TTC3: variants seen among roughly 807,000 people sequenced by gnomAD.
The protein encoded by TTC3 is E3 ubiquitin-protein ligase TTC3.
A neutral mutation model predicts 249.6 loss-of-function variants in TTC3; 180 were observed. The observed-to-expected ratio is 0.72, with a 90% CI of 0.64 to 0.82. The LOEUF (loss-of-function observed/expected upper bound fraction) is 0.82. TTC3 is among the 40% of genes least tolerant of loss of function. The probability of loss-of-function intolerance (pLI) is 0.00; values close to 1 mark genes in which losing one functional copy is unlikely to be tolerated. For synonymous variants in TTC3, 717 were observed against 805.0 expected (o/e 0.89, Z 1.85); for missense variants, 2,061 against 2,398.4 (o/e 0.86, Z 2.94).
intron 16 of TTC3, among the ~76,000 whole-genome samples, chr21:37,129,440 A>G (rs2077295024): frequency 1.3e-5 from 2 of 152,212 alleles, no homozygotes; most frequent in Non-Finnish European, 2.9e-5. Context: ...TCCTCCAGGA[A>G]TACACTGTTA....
intron 31 of TTC3, among the ~76,000 whole-genome samples, chr21:37,163,437 AC>A (rs1336517218): frequency 6.6e-6 from 1 of 152,092 alleles, no homozygotes; most frequent in Non-Finnish European, 1.5e-5. Context: ...TGCAACCTCC[AC>A]TTCTTGGGTT....
chr21:37,090,146 T>C (rs2073058922), intron 5 of TTC3, 87 bp from the exon 6 acceptor site: 1 of 928,298 alleles, frequency 1.1e-6, no homozygotes, highest in Admixed American at 2.0e-5. Flanking sequence ...ATAGTAGTGT[T>C]CCTAAAATGT....
Position 37,152,938 on chromosome 21 carries a change from T to C in TTC3, c.2414-13T>C. On this transcript the variant is annotated splice_polypyrimidine_tract_variant and intron_variant, in intron 26 of 45. Transcript: ENST00000355666. ...TCCTATTTATCACTTTAACCATTGT[T>C]ATTTATCCTTAGAAACTGTAGACAA... The C allele has an allele frequency of 6.4e-7, 1 of 1,558,876 alleles. No individual in the cohort carries two copies.
intron 11 of TTC3, among the ~76,000 whole-genome samples, chr21:37,118,576 C>A (rs555668249): frequency 6.6e-6 from 1 of 152,270 alleles, no homozygotes; most frequent in African/African-American, 2.4e-5. Context: ...TTGTGAATGA[C>A]AGAAACTGAA....
At position 37,158,291 on chromosome 21, in the gene TTC3, C is replaced by A. The variant is rs575778891; in HGVS notation, c.2992+1385C>A. ...AAGACAACTAAAAAGGACACAATTCCCTCTCAGCATACACTCGTCCTTTAA... is the reference window on the plus strand; with the variant it reads ...AAGACAACTAAAAAGGACACAATTCACTCTCAGCATACACTCGTCCTTTAA... On this transcript the variant is annotated intron_variant, in intron 28 of 45. Transcript: ENST00000355666. The A allele has an allele frequency of 9.2e-5, 74 of 803,450 alleles. 2 individuals carry two copies. The South Asian group carries it at 3.5e-3, about 38-fold the overall frequency. The allele number at this position is 803,450 out of a possible 1,614,324, so 49.8% of individuals were successfully genotyped here. A position where few individuals can be genotyped will look rare whatever the true frequency, so the allele number is the denominator to read the frequency against.
exon 33 of TTC3, chr21:37,165,561 A>T: frequency 6.3e-7 from 1 of 1,584,946 alleles, no homozygotes; most frequent in Non-Finnish European, 8.6e-7. Context: ...TACTTCTCTC[A>T]GTTTTTGGAG....
rs574137864 is a variant in TTC3 at position 37,166,589 on chromosome 21, C to A, written c.4375C>A (p.Pro1459Thr). The change falls in exon 33 of 46, where the codon CCA (proline) becomes ACA (threonine). Residue 1459 changes from proline (P) to threonine (T), a missense_variant. Around this residue, in one of 3 missense-constraint regions of TTC3, gnomAD observed 1,040 missense variants for 1,186.1 expected, o/e 0.88. Transcript: ENST00000355666. ...AAGCACCAGTGCAGTAACAAACATT[C>A]CACACGTGCAGATGGTTGCCATACA... 15 of 1,613,132 alleles carry A rather than the reference C, an allele frequency of 9.3e-6. No homozygotes were observed. The South Asian group carries it at 1.5e-4, about 17-fold the overall frequency.
chr21:37,201,911 C>T (rs1316797184), exon 46 of TTC3: 2 of 221,930 alleles, frequency 9.0e-6, no homozygotes, highest in Non-Finnish European at 1.8e-5. Context: ...CATAGCCAAG[C>T]GCCCCACGTT....
chr21:37,115,086 G>C (rs1040629255), intron 11 of TTC3, among the ~76,000 whole-genome samples: 1 of 151,772 alleles, frequency 6.6e-6, no homozygotes, highest in Non-Finnish European at 1.5e-5. Flanking sequence ...GCTAAATGAC[G>C]AGTTAATGGG....
At chr21:37,114,300 G>A (rs971888125) in intron 11 of TTC3, among the ~76,000 whole-genome samples, 1 of 151,938 alleles carries the variant, frequency 6.6e-6, no homozygotes, top group Non-Finnish European at 1.5e-5. Flanking sequence ...CTGACAAAGG[G>A]CTAATATCCA....
chr21:37,168,790 G>A (rs2081468309), intron 34 of TTC3, among the ~76,000 whole-genome samples: 1 of 152,072 alleles, frequency 6.6e-6, no homozygotes, highest in Non-Finnish European at 1.5e-5. Flanking sequence ...ATTTCGCTAA[G>A]TCAGGCATTC....
At position 37,108,351 on chromosome 21, in the gene TTC3, T is replaced by C. The variant is rs370904773; in HGVS notation, c.846-41T>C. Reference sequence around the variant, plus strand: ...TATGCAAGATATAATACTTTTACTATAAAAGAGTGAAAATTTTTAAATACT... The same window carrying C: ...TATGCAAGATATAATACTTTTACTACAAAAGAGTGAAAATTTTTAAATACT... On this transcript the variant is annotated intron_variant, in intron 10 of 45. Coordinates refer to ENST00000355666, the Ensembl canonical transcript of TTC3. 3.8e-6 allele frequency: 6 copies of C among 1,561,218 alleles called. No individual in the cohort carries two copies. In the African/African-American group the frequency reaches 4.1e-5, roughly 11 times the overall value.
At chr21:37,150,587 G>C (rs993853137) in intron 24 of TTC3, among the ~76,000 whole-genome samples, 2 of 152,088 alleles carry the variant, frequency 1.3e-5, no homozygotes, top group Non-Finnish European at 2.9e-5. Context: ...TAGATCGTCT[G>C]CTTACTCTTA....
intron 31 of TTC3, among the ~76,000 whole-genome samples, chr21:37,162,939 T>A (rs1160209764): frequency 1.3e-5 from 2 of 152,164 alleles, no homozygotes; most frequent in Non-Finnish European, 2.9e-5. Flanking sequence ...CTCTGGGGCC[T>A]CTTTTATAAG....
At chr21:37,188,441 T>A (rs1321111987) in intron 38 of TTC3, 54 bp from the exon 39 acceptor site, 2 of 1,396,104 alleles carry the variant, frequency 1.4e-6, no homozygotes, top group East Asian at 4.6e-5. Context: ...ACCTTTAAAA[T>A]AGTTTCAGGC....
intron 41 of TTC3, among the ~76,000 whole-genome samples, chr21:37,194,085 AG>A (rs1396395076): frequency 6.6e-6 from 1 of 152,220 alleles, no homozygotes; most frequent in Non-Finnish European, 1.5e-5. Context: ...GCAGGGGCAA[AG>A]CCAATGGAGC....
At chr21:37,090,425 T>C (rs1272628868) in intron 6 of TTC3, 139 bp downstream of exon 6, 2 of 991,204 alleles carry the variant, frequency 2.0e-6, no homozygotes, top group Non-Finnish European at 2.8e-6. Context: ...TATATTTTCC[T>C]TAAGGAGACT....
At chr21:37,197,423 ATTG>A in intron 42 of TTC3, 144 bp from the exon 43 acceptor site, 1 of 909,236 alleles carries the variant, frequency 1.1e-6, no homozygotes, top group Non-Finnish European at 1.7e-6. Context: ...TTAGATAGTT[ATTG>A]TTGTTATCAG....
intron 28 of TTC3, among the ~76,000 whole-genome samples, chr21:37,157,603 T>G (rs1018500874): frequency 6.6e-6 from 1 of 152,142 alleles, no homozygotes. Flanking sequence ...AGAGGAAAGC[T>G]GTGGTGCAGG....
Sources: gnomAD v4.1 joint callset for allele counts (sites outside exome capture counted in the v4.1 genomes callset) on GRCh38, gnomAD v4.1.1 for gene constraint, gnomAD v4.1.1 regional missense constraint, MANE v1.5 for transcripts, NCBI Gene and HGNC (gene_info 2026-07-23, HGNC 2026-07-21) for gene names.